Variants in PLCE1 observed in about 807,000 individuals in gnomAD.
PLCE1 encodes 1-phosphatidylinositol 4,5-bisphosphate phosphodiesterase epsilon-1.
Under a neutral mutation model 242.8 loss-of-function variants are expected in PLCE1, and 119 were observed. The observed-to-expected ratio is 0.49, with a 90% CI of 0.42 to 0.57. The LOEUF (loss-of-function observed/expected upper bound fraction) is 0.57, where lower values mean the gene tolerates loss of function less well. PLCE1 is among the 20% of genes least tolerant of loss of function. The pLI is 0.00. For missense variants in PLCE1, 2,441 were observed against 2,788.8 expected (o/e 0.88, Z 2.81); for synonymous variants, 945 against 1,017.4 (o/e 0.93, Z 1.35).
Position 94,114,848 on chromosome 10 carries a change from ATGT to A in PLCE1, c.1207-17323_1207-17321del, listed in dbSNP as rs373504886. Among the ~76,000 whole-genome samples, 137 of 151,720 alleles carry A rather than the reference ATGT, an allele frequency of 9.0e-4. 1 individual carries two copies. The East Asian group carries it at 0.012, about 14-fold the overall frequency. ...TTTGTTACATATGTATACATGTGCC[ATGT>A]TGGTGTGCTGCACCCATTAACTCAT... On this transcript the variant is annotated intron_variant, in intron 2 of 32. Coordinates refer to ENST00000371380, the MANE Select transcript of PLCE1 (RefSeq NM_016341.4).
Position 94,272,981 on chromosome 10 carries a change from G to A in PLCE1, c.4507-581G>A, listed in dbSNP as rs547508625. 4.6e-5 allele frequency among the ~76,000 whole-genome samples: 7 copies of A among 152,066 alleles called. No homozygotes were observed. In the South Asian group the frequency reaches 8.3e-4, roughly 18 times the overall value. ...TTTGGGAGGCTGAGGCGGGTGGATC[G>A]CTTGAGCTCAGGAGTTCGAGACCAG... On this transcript the variant is annotated intron_variant, in intron 18 of 32. Transcript: ENST00000371380.
Position 94,330,759 on chromosome 10 carries a change from T to C in PLCE1, c.*2816T>C, listed in dbSNP as rs771026147. On this transcript the variant is annotated 3_prime_UTR_variant, in exon 33 of 33. Transcript: ENST00000371380. ...CACAAATGGCCAGCACAATCTGATGTTGGCTGAAAATATTTAAGTTTTATT... is the reference window on the plus strand; with the variant it reads ...CACAAATGGCCAGCACAATCTGATGCTGGCTGAAAATATTTAAGTTTTATT... 1.3e-5 allele frequency: 2 copies of C among 152,156 alleles called. No individual in the cohort carries two copies. Among genetic ancestry groups the C allele is most frequent in the African/African-American group, 4.8e-5 (2 of 41,512 alleles). 9.4% of individuals were successfully genotyped at this position (152,156 alleles called of 1,614,324 possible).
chr10:94,015,181 G>A (rs1469973195), intron 1 of PLCE1, among the ~76,000 whole-genome samples: 1 of 152,222 alleles, frequency 6.6e-6, no homozygotes, highest in African/African-American at 2.4e-5. Flanking sequence ...AGGTCATGGA[G>A]TCAGAGGTCT....
At position 94,328,726 on chromosome 10, in the gene PLCE1, T is replaced by C. The variant is rs910955989; in HGVS notation, c.*783T>C. On this transcript the variant is annotated 3_prime_UTR_variant, in exon 33 of 33. Transcript: ENST00000371380. ...AATTCAATTTAGTTCCTGTATTGTG[T>C]ACCACAGTGCACTCCTCTTTAGGAT... 1 of 152,234 alleles carries C rather than the reference T, an allele frequency of 6.6e-6. No homozygotes were observed. The highest frequency in any genetic ancestry group is 1.5e-5 in the Non-Finnish European group (1 of 68,050). The allele number at this position is 152,234 out of a possible 1,614,324, so 9.4% of individuals were successfully genotyped here.
chr10:94,276,679 T>C (rs1435920747), intron 19 of PLCE1, among the ~76,000 whole-genome samples: 2 of 152,174 alleles, frequency 1.3e-5, no homozygotes, highest in African/African-American at 4.8e-5. Flanking sequence ...GGTAAACTTG[T>C]TCTTAGTAGA....
At chr10:94,307,945 C>T (rs1396710446) in intron 26 of PLCE1, among the ~76,000 whole-genome samples, 1 of 152,168 alleles carries the variant, frequency 6.6e-6, no homozygotes. Context: ...ATCTCTCCAA[C>T]ACAGTCACTC....
chr10:94,216,196 C>T (rs1162769748), intron 4 of PLCE1, among the ~76,000 whole-genome samples: 1 of 152,230 alleles, frequency 6.6e-6, no homozygotes, highest in Non-Finnish European at 1.5e-5. Context: ...TTTGGTGTCA[C>T]TGTTATTTCA....
At chr10:94,131,320 C>T (rs994803848) in intron 2 of PLCE1, among the ~76,000 whole-genome samples, 1 of 152,102 alleles carries the variant, frequency 6.6e-6, no homozygotes, top group Admixed American at 6.5e-5. Flanking sequence ...CAGGCCTCAT[C>T]GAAGATTGTG....
intron 30 of PLCE1, among the ~76,000 whole-genome samples, chr10:94,323,224 A>T (rs1353721574): frequency 6.6e-6 from 1 of 152,196 alleles, no homozygotes. Flanking sequence ...GAGAGTTTAC[A>T]TGGTTTCAGA....
chr10:94,076,648 T>C (rs1422682245), intron 2 of PLCE1, among the ~76,000 whole-genome samples: 2 of 152,210 alleles, frequency 1.3e-5, no homozygotes, highest in Admixed American at 1.3e-4. Context: ...AGGAGAATTT[T>C]GGAGTGTACA....
In PLCE1 at chr10:94,031,742, A is replaced by G. The variant is rs1382848690; in HGVS notation, c.696A>G (p.Ala232=). Residue 232 remains alanine (A), a synonymous_variant, in exon 2 of 33, where the codon GCA becomes GCG. Coordinates refer to ENST00000371380, the MANE Select transcript of PLCE1 (RefSeq NM_016341.4). ...GEEKQKKNYV[A]YTCKLMELAK... Reference sequence around the variant, plus strand: ...AGAAGCAAAAGAAAAACTATGTGGCATATACCTGTAAACTGATGGAATTGG... The same window carrying G: ...AGAAGCAAAAGAAAAACTATGTGGCGTATACCTGTAAACTGATGGAATTGG... 3 of 1,613,814 alleles carry G rather than the reference A, an allele frequency of 1.9e-6. No homozygotes were observed. Among genetic ancestry groups the G allele is most frequent in the Non-Finnish European group, 2.5e-6 (3 of 1,179,892 alleles).
Position 93,994,141 on chromosome 10 carries a change from T to G in PLCE1, c.-482T>G, listed in dbSNP as rs1315522613. ...CCTGCGCGTTCCTGGGCATCGGCTCTGCAGCTGACACACAGTAGCGGGGAC... is the reference window on the plus strand; with the variant it reads ...CCTGCGCGTTCCTGGGCATCGGCTCGGCAGCTGACACACAGTAGCGGGGAC... On this transcript the variant is annotated 5_prime_UTR_variant, in exon 1 of 33. Transcript: ENST00000371380. Among the ~76,000 whole-genome samples the G allele has an allele frequency of 1.3e-5, 2 of 152,104 alleles. No individual in the cohort carries two copies. The highest frequency in any genetic ancestry group is 1.9e-4 in the East Asian group (1 of 5,162).
At chr10:94,280,800 G>A (rs2052180546) in intron 20 of PLCE1, among the ~76,000 whole-genome samples, 1 of 152,156 alleles carries the variant, frequency 6.6e-6, no homozygotes, top group Non-Finnish European at 1.5e-5. Flanking sequence ...AGACAACTGA[G>A]CCCCCTCCTC....
intron 1 of PLCE1, among the ~76,000 whole-genome samples, chr10:94,027,015 C>T (rs1006494969): frequency 6.6e-6 from 1 of 152,128 alleles, no homozygotes; most frequent in African/African-American, 2.4e-5. Flanking sequence ...AGAAATCAAA[C>T]CCCAAAGTGG....
chr10:94,083,954 G>C (rs1359133042), intron 2 of PLCE1, among the ~76,000 whole-genome samples: 1 of 152,206 alleles, frequency 6.6e-6, no homozygotes, highest in Non-Finnish European at 1.5e-5. Flanking sequence ...CACGGTTCAA[G>C]TCCTGGCTTA....
chr10:94,239,930 A>T (rs531542957), intron 7 of PLCE1, among the ~76,000 whole-genome samples: 1 of 152,158 alleles, frequency 6.6e-6, no homozygotes, highest in South Asian at 2.1e-4. Flanking sequence ...AACACACAAC[A>T]TCCTTTATCT....
chr10:94,320,706 T>C (rs2053767776), intron 29 of PLCE1, among the ~76,000 whole-genome samples: 1 of 152,210 alleles, frequency 6.6e-6, no homozygotes, highest in Non-Finnish European at 1.5e-5. Flanking sequence ...CCTGCCCTTT[T>C]ACTAAGTCTC....
intron 27 of PLCE1, among the ~76,000 whole-genome samples, chr10:94,309,992 C>T (rs1303381255): frequency 3.9e-5 from 6 of 152,184 alleles, no homozygotes; most frequent in African/African-American, 1.4e-4. Flanking sequence ...CACCACTGCA[C>T]TCCAGCATGG....
intron 3 of PLCE1, among the ~76,000 whole-genome samples, chr10:94,156,197 C>A (rs1371249702): frequency 2.0e-5 from 3 of 152,174 alleles, no homozygotes; most frequent in Non-Finnish European, 4.4e-5. Flanking sequence ...AGAATGTATT[C>A]TCCGTCTCTC....
Sources: gnomAD v4.1 joint callset for allele counts (sites outside exome capture counted in the v4.1 genomes callset) on GRCh38, gnomAD v4.1.1 for gene constraint, MANE v1.5 for transcripts, NCBI Gene and HGNC (gene_info 2026-07-23, HGNC 2026-07-21) for gene names.